DCSTAMP: variants seen among roughly 807,000 people sequenced by gnomAD.
DCSTAMP encodes the protein dendrocyte expressed seven transmembrane protein, also known as dendritic cell-specific transmembrane protein.
In DCSTAMP, 25 loss-of-function variants were observed where a neutral mutation model predicts 33.8. That is an observed-to-expected ratio of 0.74 (90% CI 0.54 to 1.03). The LOEUF is 1.03. DCSTAMP is among the 50% of genes least tolerant of loss of function. The pLI is 0.00. For synonymous variants in DCSTAMP, 245 were observed against 216.7 expected (o/e 1.13, Z -1.15); for missense variants, 531 against 556.8 (o/e 0.95, Z 0.47).
intron 3 of DCSTAMP, among the ~76,000 whole-genome samples, chr8:104,355,607 G>C (rs905444202): frequency 2.6e-5 from 4 of 151,920 alleles, no homozygotes; most frequent in Admixed American, 2.0e-4. Flanking sequence ...TGTATATATA[G>C]AGAGAGGATA....
chr8:104,345,565 C>T (rs1037904688), intron 1 of DCSTAMP, among the ~76,000 whole-genome samples: 3 of 152,080 alleles, frequency 2.0e-5, no homozygotes, highest in Admixed American at 6.6e-5. Flanking sequence ...AAATTGCAGT[C>T]GTATATCTTC....
In DCSTAMP at chr8:104,345,147, C is replaced by CAA. The variant is rs1810271621; in HGVS notation, c.-12-3393_-12-3392insAA. On this transcript the variant is annotated intron_variant, in intron 1 of 3. Transcript: ENST00000297581. ...GGGCATTCAATCTTTGCCTAAAGAG[C>CAA]AGAGAATGGACATTCTTCATTTTCT... 2.0e-5 allele frequency among the ~76,000 whole-genome samples: 3 copies of CAA among 151,972 alleles called. No individual in the cohort carries two copies. In the South Asian group the frequency reaches 6.2e-4, roughly 32 times the overall value.
In DCSTAMP at chr8:104,349,270, TG is replaced by T; in HGVS notation, c.720del (p.Trp240Ter). On this transcript the variant is annotated frameshift_variant, in exon 2 of 4. Transcript: ENST00000297581. LOFTEE classifies it high-confidence loss of function. ...FMKRFLGPCG[W>X]KYENIYITRQ... The stretch of plus-strand genomic sequence containing the variant: ...GAAGCGATTTTTGGGCCCTTGTGGT[TG>T]GAAGTATGAAAACATCTACATCACC... The T allele has an allele frequency of 6.2e-7, 1 of 1,614,218 alleles. No individual in the cohort carries two copies. Among genetic ancestry groups the T allele is most frequent in the South Asian group, 1.1e-5 (1 of 91,082 alleles).
intron 1 of DCSTAMP, among the ~76,000 whole-genome samples, chr8:104,342,195 T>C (rs2099383015): frequency 6.6e-6 from 1 of 152,000 alleles, no homozygotes; most frequent in Non-Finnish European, 1.5e-5. Context: ...CTTTTAAATG[T>C]CTCCAGGGAT....
intron 1 of DCSTAMP, among the ~76,000 whole-genome samples, chr8:104,347,204 C>T (rs2458413): frequency 0.44 from 66,348 of 152,002 alleles, 16,440 homozygotes; most frequent in Non-Finnish European, 0.57. Context: ...TTAATTATTC[C>T]GATCTAGGAA....
chr8:104,349,476 G>T lies in DCSTAMP; in HGVS notation c.924G>T (p.Val308=). The change falls in exon 2 of 4, where the codon GTG becomes GTT. Residue 308 remains valine (V), a synonymous_variant. Coordinates refer to ENST00000297581, the MANE Select transcript of DCSTAMP (RefSeq NM_030788.4). ...TACTTATCCATCTCTGCATCTGGGTGCTGTTTGCAGCTGTAGATTATCTGC... is the reference window on the plus strand; with the variant it reads ...TACTTATCCATCTCTGCATCTGGGTTCTGTTTGCAGCTGTAGATTATCTGC... ...LPILIHLCIW[V]LFAAVDYLLY... 6.2e-7 allele frequency: 1 copy of T among 1,614,178 alleles called. No homozygotes were observed. Among genetic ancestry groups the T allele is most frequent in the Non-Finnish European group, 8.5e-7 (1 of 1,180,034 alleles).
At chr8:104,346,739 G>A (rs576761670) in intron 1 of DCSTAMP, among the ~76,000 whole-genome samples, 1 of 152,168 alleles carries the variant, frequency 6.6e-6, no homozygotes, top group Non-Finnish European at 1.5e-5. Context: ...CTCTATTCCT[G>A]GTGGAGAAAT....
rs1564067925 is a variant in DCSTAMP, at chr8:104,354,516, TGC to T, written c.1030-360_1030-359del. ...ATGTGATCAAATTTGTTAGGAAAAC[TGC>T]TGCTAAAATTAAAAGATTCCTCTGC... On this transcript the variant is annotated intron_variant, in intron 2 of 3. Coordinates refer to ENST00000297581, the MANE Select transcript of DCSTAMP (RefSeq NM_030788.4). 2.0e-5 allele frequency among the ~76,000 whole-genome samples: 3 copies of T among 152,216 alleles called. 1 individual carries two copies. The highest frequency in any genetic ancestry group is 7.2e-5 in the African/African-American group (3 of 41,452).
chr8:104,345,967 A>T (rs958698977), intron 1 of DCSTAMP, among the ~76,000 whole-genome samples: 2 of 152,216 alleles, frequency 1.3e-5, no homozygotes, highest in Non-Finnish European at 2.9e-5. Context: ...AGGGGCAAAC[A>T]GTGAGCTGAG....
At chr8:104,343,521 G>A (rs1002669690) in intron 1 of DCSTAMP, among the ~76,000 whole-genome samples, 1 of 152,156 alleles carries the variant, frequency 6.6e-6, no homozygotes, top group Non-Finnish European at 1.5e-5. Flanking sequence ...CCCCAGTGTG[G>A]CTGTATTTGG....
At chr8:104,346,433 A>C (rs1810315777) in intron 1 of DCSTAMP, among the ~76,000 whole-genome samples, 1 of 152,218 alleles carries the variant, frequency 6.6e-6, no homozygotes, top group South Asian at 2.1e-4. Context: ...TCAGCAGCAC[A>C]GGGGCCTATG....
chr8:104,349,679 CA>C, intron 2 of DCSTAMP, 98 bp downstream of exon 2: 1 of 1,359,600 alleles, frequency 7.4e-7, no homozygotes, highest in South Asian at 1.4e-5. Context: ...GTGGCTCATT[CA>C]CCTTTGCATC....
In DCSTAMP at chr8:104,354,902, A is replaced by G. The variant is rs767334256; in HGVS notation, c.1055A>G (p.His352Arg). 1.9e-6 allele frequency: 3 copies of G among 1,603,166 alleles called. No individual in the cohort carries two copies. Among genetic ancestry groups the G allele is most frequent in the East Asian group, 4.5e-5 (2 of 44,812 alleles). Residue 352 changes from histidine (H) to arginine (R), a missense_variant, in exon 3 of 4, where the codon CAT becomes CGT. His to Arg is a conservative substitution (Grantham distance 29, BLOSUM62 0). Coordinates refer to ENST00000297581, the MANE Select transcript of DCSTAMP (RefSeq NM_030788.4). ...GEKQGTQDII[H>R]DSSFNISVFE... ...AAACAAGGAACTCAAGATATTATCC[A>G]TGATTCTTCCTTTAATATATCTGTG...
intron 2 of DCSTAMP, 89 bp from the exon 3 acceptor site, chr8:104,354,788 G>A (rs1223751718): frequency 2.5e-6 from 2 of 805,380 alleles, no homozygotes; most frequent in Admixed American, 2.7e-5. Flanking sequence ...TTTGAAGATA[G>A]TGCCATGTGC....
chr8:104,352,102 C>T lies in DCSTAMP; in HGVS notation c.1029+2521C>T, dbSNP rs190275755. On this transcript the variant is annotated intron_variant, in intron 2 of 3. Coordinates refer to ENST00000297581, the MANE Select transcript of DCSTAMP (RefSeq NM_030788.4). ...TGCTGGGGAATTCATGGAGGAAAAA[C>T]GGCCACAATGTTGCCTGCAAACCCT... 1.5e-3 allele frequency among the ~76,000 whole-genome samples: 228 copies of T among 152,246 alleles called. 1 individual carries two copies. The highest frequency in any genetic ancestry group is 5.1e-3 in the African/African-American group (211 of 41,548).
chr8:104,349,042 C>A lies in DCSTAMP; in HGVS notation c.490C>A (p.Leu164Ile). The part of the protein sequence containing the change: ...LATPLSVFDD[L>I]VSWNQTLAVS... The stretch of plus-strand genomic sequence containing the variant: ...CACTCCACTAAGTGTATTTGATGAC[C>A]TTGTTTCTTGGAACCAGACCCTGGC... Residue 164 changes from leucine (L) to isoleucine (I), a missense_variant, in exon 2 of 4, where the codon CTT becomes ATT. Physicochemically the swap from Leu to Ile is conservative, Grantham distance 5. Coordinates refer to ENST00000297581, the MANE Select transcript of DCSTAMP (RefSeq NM_030788.4). The A allele has an allele frequency of 6.2e-7, 1 of 1,614,144 alleles. No individual in the cohort carries two copies. The highest frequency in any genetic ancestry group is 1.3e-5 in the African/African-American group (1 of 75,046).
chr8:104,350,552 A>T (rs1810431846), intron 2 of DCSTAMP, among the ~76,000 whole-genome samples: 1 of 152,242 alleles, frequency 6.6e-6, no homozygotes. Flanking sequence ...ACACAGCTAC[A>T]CTTCGGTTTT....
At chr8:104,346,849 T>G (rs2140470678) in intron 1 of DCSTAMP, among the ~76,000 whole-genome samples, 1 of 152,374 alleles carries the variant, frequency 6.6e-6, no homozygotes, top group Admixed American at 6.5e-5. Flanking sequence ...TTTCCTCACC[T>G]CTGGTTGCTC....
Position 104,348,845 on chromosome 8 carries a change from T to C in DCSTAMP, c.293T>C (p.Leu98Ser). The change falls in exon 2 of 4, where the codon TTG (leucine) becomes TCG (serine). Residue 98 changes from leucine to serine, a missense_variant. Physicochemically the swap from Leu to Ser is moderately radical, Grantham distance 145. Coordinates refer to ENST00000297581, the MANE Select transcript of DCSTAMP (RefSeq NM_030788.4). ...SCGLREGRNA[L>S]IAAGTGIVIL... The stretch of plus-strand genomic sequence containing the variant: ...GGCCTGCGTGAAGGCAGGAATGCTT[T>C]GATTGCAGCTGGCACAGGGATCGTC... The C allele has an allele frequency of 6.2e-7, 1 of 1,614,232 alleles. No homozygotes were observed. The highest frequency in any genetic ancestry group is 8.5e-7 in the Non-Finnish European group (1 of 1,180,044).
Sources: gnomAD v4.1 joint callset for allele counts (sites outside exome capture counted in the v4.1 genomes callset) on GRCh38, gnomAD v4.1.1 for gene constraint, MANE v1.5 for transcripts, NCBI Gene and HGNC (gene_info 2026-07-23, HGNC 2026-07-21) for gene names.